SLC45A4: variants seen among roughly 807,000 people sequenced by gnomAD.
SLC45A4 encodes the protein polyamine-transporter SLC45A4.
A neutral mutation model predicts 63.7 loss-of-function variants in SLC45A4; 32 were observed. The observed-to-expected ratio is 0.50, with a 90% CI of 0.38 to 0.67. The LOEUF (loss-of-function observed/expected upper bound fraction) is 0.67. SLC45A4 is among the 30% of genes least tolerant of loss of function. SLC45A4 has a pLI of 0.00. For synonymous variants in SLC45A4, 535 were observed against 510.0 expected (o/e 1.05, Z -0.66); for missense variants, 1,027 against 1,157.7 (o/e 0.89, Z 1.64).
chr8:141,237,608 C>T (rs1827695862), intron 2 of SLC45A4, among the ~76,000 whole-genome samples: 1 of 152,090 alleles, frequency 6.6e-6, no homozygotes, highest in Non-Finnish European at 1.5e-5. Flanking sequence ...GGAGGGCCTC[C>T]AGGGCAAAAA....
At chr8:141,231,814 C>T (rs569980293) in intron 2 of SLC45A4, among the ~76,000 whole-genome samples, 2 of 152,370 alleles carry the variant, frequency 1.3e-5, no homozygotes, top group South Asian at 4.1e-4. Flanking sequence ...CCACATGAGA[C>T]TGCTCTGTGT....
chr8:141,303,912 G>A (rs549160693), intron 1 of SLC45A4, among the ~76,000 whole-genome samples: 1 of 152,314 alleles, frequency 6.6e-6, no homozygotes, highest in African/African-American at 2.4e-5. Context: ...TCAATGACTT[G>A]AAAGGTTACG....
At chr8:141,281,353 C>A (rs1291698343) in intron 1 of SLC45A4, among the ~76,000 whole-genome samples, 1 of 152,136 alleles carries the variant, frequency 6.6e-6, no homozygotes, top group Non-Finnish European at 1.5e-5. Flanking sequence ...AACAAAAAAA[C>A]CTCCGAATCA....
intron 1 of SLC45A4, among the ~76,000 whole-genome samples, chr8:141,298,170 G>A (rs1469242771): frequency 6.6e-6 from 1 of 152,268 alleles, no homozygotes; most frequent in East Asian, 1.9e-4. Flanking sequence ...ACTAGTGAGA[G>A]TCAACAGAAT....
chr8:141,257,630 G>A (rs1306678153), intron 1 of SLC45A4, among the ~76,000 whole-genome samples: 1 of 152,226 alleles, frequency 6.6e-6, no homozygotes, highest in Non-Finnish European at 1.5e-5. Flanking sequence ...TCTGTAATAA[G>A]TAATATATGA....
At chr8:141,276,917 C>G (rs929537862) in intron 1 of SLC45A4, among the ~76,000 whole-genome samples, 5 of 152,242 alleles carry the variant, frequency 3.3e-5, no homozygotes, top group Non-Finnish European at 7.3e-5. Context: ...ACCTTTCCAA[C>G]TCATTAATTC....
At chr8:141,258,061 T>A (rs1481048448) in intron 1 of SLC45A4, among the ~76,000 whole-genome samples, 68 of 18,046 alleles carry the variant, frequency 3.8e-3, no homozygotes, top group African/African-American at 0.014. Flanking sequence ...TTCTTCTTCC[T>A]TTTTTTTTTT....
chr8:141,279,418 T>C (rs1266057477), intron 1 of SLC45A4, among the ~76,000 whole-genome samples: 1 of 152,214 alleles, frequency 6.6e-6, no homozygotes, highest in Non-Finnish European at 1.5e-5. Flanking sequence ...ACACCTGCAA[T>C]CCCACGGACC....
At chr8:141,240,220 G>A (rs182924708) in intron 2 of SLC45A4, among the ~76,000 whole-genome samples, 4 of 152,268 alleles carry the variant, frequency 2.6e-5, no homozygotes, top group Admixed American at 6.5e-5. Context: ...ATTCATTCTC[G>A]GATGTTCTAT....
At position 141,229,494 on chromosome 8, in the gene SLC45A4, G is replaced by C. The variant is rs1294406823; in HGVS notation, c.242-7729C>G. 6.6e-6 allele frequency among the ~76,000 whole-genome samples: 1 copy of C among 152,122 alleles called. No homozygotes were observed. Among genetic ancestry groups the C allele is most frequent in the African/African-American group, 2.4e-5 (1 of 41,404 alleles). On this transcript the variant is annotated intron_variant, in intron 2 of 8. Transcript: ENST00000517878. This position sits in a 1 kb window ranked among gnomAD's most constrained non-coding sequence, Gnocchi z 5.0. Reference sequence around the variant, plus strand: ...AGGGTCCAGCCAGTGCCTTCCCCGGGTAGGGGCAGCTCCCCTGGTGTCCAG... The same window carrying C: ...AGGGTCCAGCCAGTGCCTTCCCCGGCTAGGGGCAGCTCCCCTGGTGTCCAG...
chr8:141,281,937 G>A (rs1245026339), intron 1 of SLC45A4, among the ~76,000 whole-genome samples: 2 of 151,828 alleles, frequency 1.3e-5, no homozygotes, highest in Non-Finnish European at 2.9e-5. Context: ...CTTTCCTAAC[G>A]CCAGGACGCG....
chr8:141,223,554 G>A (rs1826790026), intron 2 of SLC45A4, among the ~76,000 whole-genome samples: 1 of 152,156 alleles, frequency 6.6e-6, no homozygotes, highest in South Asian at 2.1e-4. Context: ...GCAGAGCTGC[G>A]GAGCCTGTGT....
chr8:141,238,065 T>C (rs973402342), intron 2 of SLC45A4, among the ~76,000 whole-genome samples: 1 of 152,236 alleles, frequency 6.6e-6, no homozygotes, highest in African/African-American at 2.4e-5. Flanking sequence ...CCAGCCCACA[T>C]ACGTGGTTCT....
intron 1 of SLC45A4, among the ~76,000 whole-genome samples, chr8:141,255,451 T>A (rs1333957000): frequency 1.3e-5 from 2 of 152,148 alleles, no homozygotes; most frequent in Non-Finnish European, 2.9e-5. Flanking sequence ...CACGGTGGCT[T>A]AAGTCTGTAA....
chr8:141,269,118 C>A (rs754783432), intron 1 of SLC45A4, among the ~76,000 whole-genome samples: 1 of 152,184 alleles, frequency 6.6e-6, no homozygotes, highest in Non-Finnish European at 1.5e-5. Flanking sequence ...GTATAGGGAG[C>A]GCCACGAGCT....
chr8:141,242,582 C>T (rs973518101), intron 2 of SLC45A4, among the ~76,000 whole-genome samples: 4 of 152,202 alleles, frequency 2.6e-5, no homozygotes, highest in African/African-American at 7.2e-5. Context: ...TACAAAGTTG[C>T]TCAGTTCGTA....
chr8:141,287,589 C>T (rs1258783276), intron 1 of SLC45A4, among the ~76,000 whole-genome samples: 4 of 152,240 alleles, frequency 2.6e-5, no homozygotes, highest in African/African-American at 9.6e-5. Context: ...TTTCTGTGAA[C>T]ACTAGCATGT....
intron 1 of SLC45A4, among the ~76,000 whole-genome samples, chr8:141,300,864 C>G (rs1292943291): frequency 6.6e-6 from 1 of 152,232 alleles, no homozygotes; most frequent in Non-Finnish European, 1.5e-5. Context: ...AGAAAACAGG[C>G]AATTAAATAG....
chr8:141,231,208 G>A (rs1447562027), intron 2 of SLC45A4, among the ~76,000 whole-genome samples: 1 of 152,238 alleles, frequency 6.6e-6, no homozygotes, highest in Admixed American at 6.5e-5. Flanking sequence ...AGTGTGGGAA[G>A]GAGCGCCGGA....
Sources: gnomAD v4.1 joint callset for allele counts (sites outside exome capture counted in the v4.1 genomes callset) on GRCh38, gnomAD v4.1.1 for gene constraint, Gnocchi (gnomAD v3.1) non-coding constraint, MANE v1.5 for transcripts, NCBI Gene and HGNC (gene_info 2026-07-23, HGNC 2026-07-21) for gene names.